Variants in DAB1 observed in about 807,000 individuals in gnomAD.
The protein encoded by DAB1 is DAB adaptor protein 1.
In DAB1, 15 loss-of-function variants were observed where a neutral mutation model predicts 64.6. That is an observed-to-expected ratio of 0.23 (90% confidence interval 0.16 to 0.36). DAB1 has a LOEUF of 0.36. Ranked by LOEUF, DAB1 falls within the 10% of genes least tolerant of loss-of-function variation. The pLI, the probability that DAB1 is intolerant of heterozygous loss-of-function variation, is 1.00. For missense variants in DAB1, 596 were observed against 706.7 expected (o/e 0.84, Z 1.78); for synonymous variants, 235 against 251.9 (o/e 0.93, Z 0.64).
chr1:57,722,723 C>T (rs1313300407), intron 6 of DAB1, among the ~76,000 whole-genome samples: 1 of 152,144 alleles, frequency 6.6e-6, no homozygotes, highest in African/African-American at 2.4e-5. Context: ...TCATACGTGA[C>T]TGATGGGCAA....
chr1:58,145,229 T>C (rs1443168082), intron 5 of DAB1, among the ~76,000 whole-genome samples: 1 of 152,138 alleles, frequency 6.6e-6, no homozygotes, highest in Non-Finnish European at 1.5e-5. Context: ...GGTGAGATGG[T>C]AGCACAGATC....
At chr1:57,312,249 A>G (rs1674779090) in intron 1 of DAB1, among the ~76,000 whole-genome samples, 1 of 152,192 alleles carries the variant, frequency 6.6e-6, no homozygotes, top group Admixed American at 6.5e-5. Context: ...TAAGTCTTTC[A>G]TTTTACCACT....
chr1:58,168,979 G>T (rs1199790623), intron 4 of DAB1, among the ~76,000 whole-genome samples: 2 of 152,174 alleles, frequency 1.3e-5, no homozygotes, highest in Non-Finnish European at 2.9e-5. Flanking sequence ...TTTCGAGAAT[G>T]CATTGGTAAG....
At chr1:58,026,953 TGACTCTGTGGTA>T (rs1353666430) in intron 5 of DAB1, among the ~76,000 whole-genome samples, 5 of 152,214 alleles carry the variant, frequency 3.3e-5, no homozygotes, top group Non-Finnish European at 7.3e-5. Flanking sequence ...ATCTTCTCTT[TGACTCTGTGGTA>T]GAAGGACAAA....
At chr1:58,412,415 A>G (rs779182597) in intron 3 of DAB1, among the ~76,000 whole-genome samples, 1 of 152,182 alleles carries the variant, frequency 6.6e-6, no homozygotes, top group Non-Finnish European at 1.5e-5. Flanking sequence ...TGTCACTTCA[A>G]AAAGGATTCT....
chr1:58,496,382 C>T (rs1055386499), intron 3 of DAB1, among the ~76,000 whole-genome samples: 1 of 152,166 alleles, frequency 6.6e-6, no homozygotes, highest in Non-Finnish European at 1.5e-5. Flanking sequence ...CTGTCACTTT[C>T]AGTGCAGTTA....
chr1:57,688,916 G>A (rs1357292754), intron 6 of DAB1, among the ~76,000 whole-genome samples: 1 of 152,172 alleles, frequency 6.6e-6, no homozygotes, highest in African/African-American at 2.4e-5. Context: ...GACCACCAGA[G>A]TGGGGAGGAA....
intron 6 of DAB1, among the ~76,000 whole-genome samples, chr1:57,818,820 C>T (rs534550443): frequency 9.3e-5 from 14 of 150,872 alleles, no homozygotes; most frequent in African/African-American, 2.4e-4. Context: ...ATATGGTTAA[C>T]GGGGCAATTA....
At chr1:58,390,508 A>G (rs1404985091) in intron 3 of DAB1, among the ~76,000 whole-genome samples, 2 of 152,178 alleles carry the variant, frequency 1.3e-5, no homozygotes, top group Non-Finnish European at 2.9e-5. Flanking sequence ...GGAGCAGTGG[A>G]AAGAACGCAA....
intron 5 of DAB1, among the ~76,000 whole-genome samples, chr1:58,022,005 A>C (rs1646821899): frequency 6.6e-6 from 1 of 152,202 alleles, no homozygotes; most frequent in African/African-American, 2.4e-5. Context: ...GCTTCTAAGG[A>C]GTTGGCAGAA....
intron 3 of DAB1, among the ~76,000 whole-genome samples, chr1:57,138,045 A>T (rs923376643): frequency 1.3e-5 from 2 of 152,200 alleles, no homozygotes; most frequent in African/African-American, 4.8e-5. Context: ...TAAAGTACCT[A>T]GCACAATGCC....
intron 6 of DAB1, among the ~76,000 whole-genome samples, chr1:57,661,887 T>C (rs1406619328): frequency 6.6e-6 from 1 of 152,196 alleles, no homozygotes; most frequent in Non-Finnish European, 1.5e-5. Context: ...GGAGGGCTGA[T>C]GCAGTGGGCT....
chr1:57,515,086 A>G (rs1442247612), intron 7 of DAB1, among the ~76,000 whole-genome samples: 1 of 152,138 alleles, frequency 6.6e-6, no homozygotes, highest in Admixed American at 6.5e-5. Flanking sequence ...CCACTCAACC[A>G]TGCTGCAATT....
intron 5 of DAB1, among the ~76,000 whole-genome samples, chr1:58,003,743 T>C (rs1039187113): frequency 8.5e-5 from 13 of 152,196 alleles, no homozygotes; most frequent in African/African-American, 3.1e-4. Flanking sequence ...GGAAATATTG[T>C]TGGTCATCAC....
At chr1:57,750,774 G>A (rs987405918) in intron 6 of DAB1, among the ~76,000 whole-genome samples, 5 of 152,000 alleles carry the variant, frequency 3.3e-5, no homozygotes, top group African/African-American at 4.8e-5. Context: ...TCTCTTACCC[G>A]CTGTGAGAGG....
chr1:57,312,979 C>G (rs1222984806), intron 1 of DAB1, among the ~76,000 whole-genome samples: 1 of 152,124 alleles, frequency 6.6e-6, no homozygotes, highest in Non-Finnish European at 1.5e-5. Context: ...TCATGAAGCC[C>G]TGGGTGGGCC....
At chr1:58,391,842 ACT>A (rs1386216920) in intron 3 of DAB1, among the ~76,000 whole-genome samples, 1 of 152,192 alleles carries the variant, frequency 6.6e-6, no homozygotes, top group Non-Finnish European at 1.5e-5. Context: ...GAAAGCTGAA[ACT>A]CTGTGAATAT....
At chr1:57,305,217 G>A (rs896653725) in intron 1 of DAB1, among the ~76,000 whole-genome samples, 8 of 152,332 alleles carry the variant, frequency 5.3e-5, no homozygotes, top group Middle Eastern at 6.8e-3. Context: ...GGAATGAGAG[G>A]AGGGAAAGGC....
chr1:57,422,515 C>G (rs926392466), intron 1 of DAB1, among the ~76,000 whole-genome samples: 2 of 152,172 alleles, frequency 1.3e-5, no homozygotes, highest in African/African-American at 4.8e-5. Context: ...CCCACGCGGG[C>G]GCGCACCCCA....
Sources: allele counts gnomAD v4.1 joint callset (sites outside exome capture counted in the v4.1 genomes callset), GRCh38; gene constraint gnomAD v4.1.1; transcripts MANE v1.5; gene names NCBI Gene and HGNC (gene_info 2026-07-23, HGNC 2026-07-21).